Variants in PHACTR1 observed in about 807,000 individuals in gnomAD.
The protein encoded by PHACTR1 is RPEL repeat containing 1.
Under a neutral mutation model 69.2 loss-of-function variants are expected in PHACTR1, and 16 were observed. The observed-to-expected ratio is 0.23, with a 90% CI of 0.16 to 0.35. PHACTR1 has a LOEUF of 0.35. PHACTR1 is among the 10% of genes least tolerant of loss of function. The probability of loss-of-function intolerance (pLI) is 1.00; values close to 1 mark genes in which losing one functional copy is unlikely to be tolerated. For synonymous variants in PHACTR1, 312 were observed against 284.5 expected, an observed-to-expected ratio of 1.10 and a Z score of -0.97; for missense variants, 510 against 734.7, an observed-to-expected ratio of 0.69 and a Z score of 3.54.
Position 12,764,674 on chromosome 6 carries a change from G to A in PHACTR1, c.250+14884G>A, listed in dbSNP as rs1176036846. On this transcript the variant is annotated intron_variant, in intron 4 of 14. Transcript: ENST00000332995. ...GGATATGGATAAAATTCCTTATGGT[G>A]GTGAAGATTTAGAGGCTGTACAGTC... Among the ~76,000 whole-genome samples the A allele has an allele frequency of 2.6e-5, 4 of 152,264 alleles. No individual in the cohort carries two copies. The East Asian group carries it at 7.7e-4, about 29-fold the overall frequency.
intron 4 of PHACTR1, among the ~76,000 whole-genome samples, chr6:12,835,076 G>A (rs1421133879): frequency 6.6e-6 from 1 of 152,144 alleles, no homozygotes; most frequent in East Asian, 1.9e-4. Context: ...GACCTGGATG[G>A]GATGTGAAGA....
At chr6:12,879,146 G>A (rs577549971) in intron 4 of PHACTR1, among the ~76,000 whole-genome samples, 1 of 152,164 alleles carries the variant, frequency 6.6e-6, no homozygotes, top group African/African-American at 2.4e-5. Flanking sequence ...TGCTGGAGGC[G>A]ATGAAAATTT....
intron 4 of PHACTR1, among the ~76,000 whole-genome samples, chr6:12,797,328 GC>G (rs1349759682): frequency 1.3e-5 from 2 of 152,170 alleles, no homozygotes; most frequent in Non-Finnish European, 2.9e-5. Flanking sequence ...TGCATATTGT[GC>G]AGTGATTCAA....
intron 4 of PHACTR1, among the ~76,000 whole-genome samples, chr6:12,911,209 A>G (rs1255621351): frequency 1.3e-5 from 2 of 152,142 alleles, no homozygotes; most frequent in East Asian, 1.9e-4. Flanking sequence ...CTGCCTAGCC[A>G]TAGATCTCAT....
At chr6:12,997,101 G>A (rs1310411176) in intron 4 of PHACTR1, among the ~76,000 whole-genome samples, 1 of 151,814 alleles carries the variant, frequency 6.6e-6, no homozygotes, top group Non-Finnish European at 1.5e-5. Context: ...GGAGGTGGGA[G>A]TTGCAGTGGG....
At chr6:13,248,689 C>A (rs979705647) in intron 10 of PHACTR1, among the ~76,000 whole-genome samples, 3 of 152,030 alleles carry the variant, frequency 2.0e-5, no homozygotes. Flanking sequence ...GTAGACGGGG[C>A]AATAACTCAT....
intron 13 of PHACTR1, among the ~76,000 whole-genome samples, chr6:13,284,946 C>G (rs1270866143): frequency 6.6e-6 from 1 of 152,194 alleles, no homozygotes; most frequent in Non-Finnish European, 1.5e-5. Context: ...CACATCTTCT[C>G]TGCAAGGGAA....
intron 4 of PHACTR1, among the ~76,000 whole-genome samples, chr6:12,811,440 T>C (rs1774999831): frequency 6.6e-6 from 1 of 152,228 alleles, no homozygotes; most frequent in African/African-American, 2.4e-5. Context: ...AGTATACACA[T>C]TTTCTTACTG....
chr6:13,244,257 C>A (rs186059738), intron 10 of PHACTR1, among the ~76,000 whole-genome samples: 2,173 of 152,182 alleles, frequency 0.014, 44 homozygotes, highest in African/African-American at 0.049. Flanking sequence ...ACATCAAGTA[C>A]TTAACAGGGT....
intron 5 of PHACTR1, among the ~76,000 whole-genome samples, chr6:13,107,571 C>T (rs1816372235): frequency 6.6e-6 from 1 of 152,114 alleles, no homozygotes; most frequent in South Asian, 2.1e-4. Context: ...TATTTGCTCT[C>T]TTTCTTCTTA....
chr6:13,249,660 G>A (rs931406197), intron 10 of PHACTR1, among the ~76,000 whole-genome samples: 6 of 152,192 alleles, frequency 3.9e-5, no homozygotes, highest in Non-Finnish European at 8.8e-5. Flanking sequence ...TTAGCCGGAT[G>A]TGGTGGCAGG....
chr6:13,174,479 G>T (rs1387291795), intron 6 of PHACTR1, among the ~76,000 whole-genome samples: 1 of 152,078 alleles, frequency 6.6e-6, no homozygotes, highest in Non-Finnish European at 1.5e-5. Flanking sequence ...TATGATTTTT[G>T]GTCTAAAATT....
chr6:13,048,368 C>T (rs1805401290), intron 4 of PHACTR1, among the ~76,000 whole-genome samples: 1 of 152,180 alleles, frequency 6.6e-6, no homozygotes, highest in Admixed American at 6.5e-5. Context: ...GTGAAGCTGT[C>T]TTTACATGCT....
intron 7 of PHACTR1, chr6:13,196,420 C>CTTTTTTTTTGTTTT (rs1554153705): frequency 7.4e-6 from 1 of 135,692 alleles, no homozygotes; most frequent in Non-Finnish European, 1.5e-5. Context: ...GGTTTTCTTT[C>CTTTTTTTTTGTTTT]TTTTTTTTTT....
chr6:12,732,127 G>C (rs921750296), intron 3 of PHACTR1, among the ~76,000 whole-genome samples: 1 of 151,896 alleles, frequency 6.6e-6, no homozygotes, highest in Non-Finnish European at 1.5e-5. Flanking sequence ...AGTGTCTTAC[G>C]ATACACATAA....
At chr6:13,274,400 T>C (rs973166649) in intron 11 of PHACTR1, 4 of 152,186 alleles carry the variant, frequency 2.6e-5, no homozygotes, top group African/African-American at 9.7e-5. Flanking sequence ...AGGGAAGCAT[T>C]TGGCTTGTAG....
At chr6:13,102,075 G>A (rs141484306) in intron 5 of PHACTR1, among the ~76,000 whole-genome samples, 4 of 152,258 alleles carry the variant, frequency 2.6e-5, no homozygotes, top group African/African-American at 9.6e-5. Flanking sequence ...GTCAAAATTT[G>A]GGTAACTTAA....
intron 7 of PHACTR1, among the ~76,000 whole-genome samples, chr6:13,198,641 A>G (rs1764762473): frequency 6.6e-6 from 1 of 151,568 alleles, no homozygotes; most frequent in Non-Finnish European, 1.5e-5. Context: ...AAAACGAAAG[A>G]AAAGAAAAAG....
At chr6:12,851,403 G>T (rs1347962863) in intron 4 of PHACTR1, among the ~76,000 whole-genome samples, 2 of 152,214 alleles carry the variant, frequency 1.3e-5, no homozygotes, top group East Asian at 3.9e-4. Flanking sequence ...GTTAGAAAAT[G>T]TTACCACAAA....
Sources: gnomAD v4.1 joint callset for allele counts (sites outside exome capture counted in the v4.1 genomes callset) on GRCh38, gnomAD v4.1.1 for gene constraint, MANE v1.5 for transcripts, NCBI Gene and HGNC (gene_info 2026-07-23, HGNC 2026-07-21) for gene names.